Variants in FILIP1 observed in about 807,000 individuals in gnomAD.
The protein encoded by FILIP1 is filamin-A-interacting protein 1.
FILIP1 carries 61 observed loss-of-function variants against 102.1 expected under a neutral mutation model. The observed-to-expected ratio is 0.60, with a 90% CI of 0.49 to 0.74. FILIP1 has a LOEUF of 0.74. Ranked by LOEUF, FILIP1 falls within the 30% of genes least tolerant of loss-of-function variation. FILIP1 has a pLI of 0.00. For synonymous variants in FILIP1, 491 were observed against 526.9 expected (o/e 0.93, Z 0.93); for missense variants, 1,314 against 1,441.2 (o/e 0.91, Z 1.43).
At chr6:75,391,125 T>C (rs1776268332) in intron 2 of FILIP1, among the ~76,000 whole-genome samples, 1 of 152,158 alleles carries the variant, frequency 6.6e-6, no homozygotes, top group Non-Finnish European at 1.5e-5. Context: ...GGCAGCACAT[T>C]ATAATCCATT....
chr6:75,394,212 C>G (rs1439094040), intron 2 of FILIP1, among the ~76,000 whole-genome samples: 2 of 152,120 alleles, frequency 1.3e-5, no homozygotes, highest in African/African-American at 4.8e-5. Context: ...AGTGCACTTC[C>G]TGTTTTCCTG....
At chr6:75,414,565 A>C in intron 2 of FILIP1, 132 bp downstream of exon 2, 1 of 872,072 alleles carries the variant, frequency 1.1e-6, no homozygotes. Context: ...GGCACTAGGG[A>C]TTTAGAAATA....
intron 2 of FILIP1, among the ~76,000 whole-genome samples, chr6:75,363,960 A>G (rs982069564): frequency 2.0e-5 from 3 of 152,218 alleles, no homozygotes; most frequent in South Asian, 2.1e-4. Context: ...ATGATATTCT[A>G]AAGAAGAGAG....
intron 3 of FILIP1, among the ~76,000 whole-genome samples, chr6:75,359,006 C>G (rs1775094448): frequency 7.2e-6 from 1 of 139,422 alleles, no homozygotes; most frequent in South Asian, 2.3e-4. Flanking sequence ...CTGCGCCCAG[C>G]CCTTATTTAT....
At chr6:75,373,747 G>C (rs1409393884) in intron 2 of FILIP1, among the ~76,000 whole-genome samples, 1 of 152,158 alleles carries the variant, frequency 6.6e-6, no homozygotes, top group Non-Finnish European at 1.5e-5. Context: ...AGTGGCTCAG[G>C]CCTATAATCC....
chr6:75,343,806 T>C (rs1460629724), intron 4 of FILIP1, among the ~76,000 whole-genome samples: 2 of 152,242 alleles, frequency 1.3e-5, no homozygotes, highest in Non-Finnish European at 2.9e-5. Flanking sequence ...TTTTCTATAA[T>C]TGAGCACAAG....
intron 2 of FILIP1, among the ~76,000 whole-genome samples, chr6:75,404,838 C>T (rs140336531): frequency 6.6e-6 from 1 of 152,246 alleles, no homozygotes; most frequent in Non-Finnish European, 1.5e-5. Flanking sequence ...ACTTTTGATT[C>T]ACCACTTCCT....
chr6:75,347,500 T>C (rs868294918), intron 4 of FILIP1, among the ~76,000 whole-genome samples: 1 of 152,212 alleles, frequency 6.6e-6, no homozygotes, highest in Non-Finnish European at 1.5e-5. Context: ...AGCAACCTTT[T>C]TCTACAGAGT....
Position 75,314,879 on chromosome 6 carries a change from T to A in FILIP1, c.953A>T (p.Asn318Ile), listed in dbSNP as rs768774107. The A allele has an allele frequency of 8.1e-6, 13 of 1,614,012 alleles. No individual in the cohort carries two copies. Among genetic ancestry groups the A allele is most frequent in the African/African-American group, 1.3e-5 (1 of 74,950 alleles). Residue 318 changes from asparagine (N) to isoleucine (I), a missense_variant, in exon 5 of 6, where the codon AAC becomes ATC. Asn to Ile is a moderately radical substitution (Grantham distance 149). Around this residue, in one of 3 missense-constraint regions of FILIP1, gnomAD observed 494 missense variants for 511.2 expected, o/e 0.97. Coordinates refer to ENST00000237172, the MANE Select transcript of FILIP1 (RefSeq NM_015687.5). The stretch of plus-strand genomic sequence containing the variant: ...AGACTCTTGATTAGCCAGTTTAGCG[T>A]TCATCTCTTCATGCTCTTGAGAAAA... ...SRFSQEHEEMNAKLANQESHN... is the reference protein window; with the variant it reads ...SRFSQEHEEMIAKLANQESHN...
At chr6:75,294,037 C>A (rs549787226) in exon 7 of FILIP1, 206 of 152,312 alleles carry the variant, frequency 1.4e-3, no homozygotes, top group African/African-American at 4.0e-3. Flanking sequence ...CCTACTGTAA[C>A]ATTTCTTTTA....
At chr6:75,364,343 C>G (rs1021241745) in intron 2 of FILIP1, among the ~76,000 whole-genome samples, 1 of 152,080 alleles carries the variant, frequency 6.6e-6, no homozygotes, top group South Asian at 2.1e-4. Flanking sequence ...ATCAGAAAAA[C>G]GTGCCCACTT....
intron 1 of FILIP1, among the ~76,000 whole-genome samples, chr6:75,469,084 A>C (rs1779258030): frequency 6.6e-6 from 1 of 152,044 alleles, no homozygotes. Context: ...AATGGTGAAC[A>C]AAAAATCCAT....
At chr6:75,303,993 A>T (rs749922799), downstream of FILIP1, among the ~76,000 whole-genome samples, 13 of 152,106 alleles carry the variant, frequency 8.5e-5, no homozygotes, top group Non-Finnish European at 1.2e-4. Flanking sequence ...TCCAGGGAAA[A>T]ATATGAAACT....
chr6:75,467,330 A>C, intron 1 of FILIP1, among the ~76,000 whole-genome samples: 1 of 152,210 alleles, frequency 6.6e-6, no homozygotes, highest in Non-Finnish European at 1.5e-5. Flanking sequence ...ATCATCATAC[A>C]TAACGTAATT....
intron 4 of FILIP1, among the ~76,000 whole-genome samples, chr6:75,331,204 A>G (rs1346254868): frequency 1.3e-5 from 2 of 152,200 alleles, no homozygotes; most frequent in African/African-American, 4.8e-5. Context: ...TCAATACGTA[A>G]CTAGTAAATA....
chr6:75,366,627 A>G (rs1775346685), intron 2 of FILIP1, among the ~76,000 whole-genome samples: 2 of 152,228 alleles, frequency 1.3e-5, no homozygotes, highest in African/African-American at 4.8e-5. Flanking sequence ...GACGCCTAAC[A>G]TAAAACTTGG....
In FILIP1 at chr6:75,419,740, A is replaced by G. The variant is rs1299973040; in HGVS notation, c.-6-4762T>C. Among the ~76,000 whole-genome samples the G allele has an allele frequency of 3.9e-5, 6 of 152,172 alleles. No individual in the cohort carries two copies. The East Asian group carries it at 1.2e-3, about 29-fold the overall frequency. On this transcript the variant is annotated intron_variant, in intron 1 of 5. Coordinates refer to ENST00000237172, the MANE Select transcript of FILIP1 (RefSeq NM_015687.5). The stretch of plus-strand genomic sequence containing the variant: ...TTTTCAGATGCAAAAGACCAATTAA[A>G]TCAACTAGTTTATTCCCTATCAATG...
chr6:75,443,363 C>T (rs1285500779), intron 1 of FILIP1, among the ~76,000 whole-genome samples: 1 of 152,028 alleles, frequency 6.6e-6, no homozygotes, highest in Non-Finnish European at 1.5e-5. Flanking sequence ...AGGAAATAAA[C>T]AATTTTAAAA....
Position 75,380,788 on chromosome 6 carries a change from T to C in FILIP1, c.277-17871A>G, listed in dbSNP as rs1032330124. Among the ~76,000 whole-genome samples the C allele has an allele frequency of 5.3e-5, 8 of 152,226 alleles. 1 individual carries two copies. Among genetic ancestry groups the C allele is most frequent in the African/African-American group, 1.9e-4 (8 of 41,560 alleles). ...AAGGGTGGCTGAATGATGTGGGAAA[T>C]GCTTATTATAAATATTTAAAGTTGC... On this transcript the variant is annotated intron_variant, in intron 2 of 5. Coordinates refer to ENST00000237172, the MANE Select transcript of FILIP1 (RefSeq NM_015687.5).
Sources: gnomAD v4.1 joint callset for allele counts (sites outside exome capture counted in the v4.1 genomes callset) on GRCh38, gnomAD v4.1.1 for gene constraint, gnomAD v4.1.1 regional missense constraint, MANE v1.5 for transcripts, NCBI Gene and HGNC (gene_info 2026-07-23, HGNC 2026-07-21) for gene names.